The following CSMD3 variants were observed in gnomAD, a reference collection of about 807,000 sequenced individuals.
CSMD3 encodes the protein CUB and Sushi multiple domains 3, also known as CUB and sushi domain-containing protein 3.
A neutral mutation model predicts 435.2 loss-of-function variants in CSMD3; 177 were observed. The observed-to-expected ratio is 0.41, with a 90% confidence interval of 0.36 to 0.46. CSMD3 has a LOEUF of 0.46. Ranked by LOEUF, CSMD3 falls within the 20% of genes least tolerant of loss-of-function variation. The probability of loss-of-function intolerance (pLI) is 0.34; values close to 1 mark genes in which losing one functional copy is unlikely to be tolerated. For missense variants in CSMD3, 4,265 were observed against 4,504.6 expected (o/e 0.95, Z 1.52); for synonymous variants, 1,656 against 1,520.5 (o/e 1.09, Z -2.07).
intron 1 of CSMD3, among the ~76,000 whole-genome samples, chr8:113,415,059 C>T (rs1173661023): frequency 1.3e-5 from 2 of 151,984 alleles, no homozygotes; most frequent in Non-Finnish European, 1.5e-5. Flanking sequence ...TAAGTTAATA[C>T]GACTTTGGAA....
Position 113,049,816 on chromosome 8 carries a change from AT to A in CSMD3, c.918-30638del, listed in dbSNP as rs1200904085. Among the ~76,000 whole-genome samples, 8 of 152,308 alleles carry A rather than the reference AT, an allele frequency of 5.3e-5. No individual in the cohort carries two copies. The South Asian group carries it at 1.2e-3, about 24-fold the overall frequency. ...TCATATAAATATTGATAAAGAGAAT[AT>A]TTTCAGGGATTACATGGGTGTATGC... On this transcript the variant is annotated intron_variant, in intron 5 of 70. Transcript: ENST00000297405.
intron 4 of CSMD3, among the ~76,000 whole-genome samples, chr8:113,115,597 G>A (rs1300869990): frequency 6.6e-6 from 1 of 152,064 alleles, no homozygotes; most frequent in Non-Finnish European, 1.5e-5. Flanking sequence ...TATTCTTTGT[G>A]GCATTCATCC....
chr8:112,373,642 T>C (rs879809594), intron 38 of CSMD3, among the ~76,000 whole-genome samples: 2 of 152,176 alleles, frequency 1.3e-5, no homozygotes, highest in East Asian at 1.9e-4. Flanking sequence ...AATTTCTGTA[T>C]CTAGTTATTA....
At chr8:112,225,173 A>C (rs1342687841) in intron 70 of CSMD3, among the ~76,000 whole-genome samples, 1 of 152,120 alleles carries the variant, frequency 6.6e-6, no homozygotes, top group African/African-American at 2.4e-5. Context: ...AATATAAATA[A>C]ATTATATGAT....
intron 31 of CSMD3, among the ~76,000 whole-genome samples, chr8:112,478,363 G>A (rs932114682): frequency 1.3e-5 from 2 of 152,118 alleles, no homozygotes; most frequent in Non-Finnish European, 2.9e-5. Flanking sequence ...GAGTTTCTTA[G>A]AAACTACATA....
At chr8:113,162,809 T>C (rs2092071116) in intron 4 of CSMD3, among the ~76,000 whole-genome samples, 1 of 152,072 alleles carries the variant, frequency 6.6e-6, no homozygotes. Flanking sequence ...AGAGTGCTTA[T>C]TAAATGCTAG....
intron 3 of CSMD3, among the ~76,000 whole-genome samples, chr8:113,182,899 T>C (rs543803840): frequency 5.3e-5 from 8 of 152,164 alleles, no homozygotes; most frequent in African/African-American, 1.9e-4. Context: ...GTTGTTGTTA[T>C]CGTTTTTCTA....
chr8:113,108,476 G>A (rs2131587602), intron 4 of CSMD3, among the ~76,000 whole-genome samples: 1 of 151,876 alleles, frequency 6.6e-6, no homozygotes, highest in South Asian at 2.1e-4. Context: ...AACATAATTG[G>A]AAAATCTCTA....
intron 13 of CSMD3, among the ~76,000 whole-genome samples, chr8:112,785,134 G>A (rs1007545668): frequency 1.3e-5 from 2 of 151,758 alleles, no homozygotes; most frequent in Admixed American, 6.6e-5. Context: ...ATGTGATATA[G>A]CATATTAATA....
intron 10 of CSMD3, among the ~76,000 whole-genome samples, chr8:112,902,075 C>G (rs1326276139): frequency 6.6e-6 from 1 of 151,182 alleles, no homozygotes; most frequent in African/African-American, 2.4e-5. Flanking sequence ...GTACTATTAC[C>G]TTTTCAACCC....
intron 4 of CSMD3, among the ~76,000 whole-genome samples, chr8:113,168,446 G>A (rs928176440): frequency 4.1e-5 from 6 of 147,376 alleles, no homozygotes; most frequent in Non-Finnish European, 8.9e-5. Flanking sequence ...GCTTGAACCT[G>A]GGAGGCAGAG....
chr8:112,693,533 T>A (rs995088733), intron 13 of CSMD3, among the ~76,000 whole-genome samples: 1 of 152,052 alleles, frequency 6.6e-6, no homozygotes, highest in South Asian at 2.1e-4. Context: ...TCAAATTGAT[T>A]TTAATTCTTT....
chr8:112,409,729 T>C (rs540094353), intron 32 of CSMD3, among the ~76,000 whole-genome samples: 1 of 152,114 alleles, frequency 6.6e-6, no homozygotes, highest in South Asian at 2.1e-4. Flanking sequence ...TATAGATGTG[T>C]CTTTTTCCTC....
At chr8:112,973,114 G>A (rs1054461353) in intron 7 of CSMD3, among the ~76,000 whole-genome samples, 2 of 151,932 alleles carry the variant, frequency 1.3e-5, no homozygotes, top group African/African-American at 2.4e-5. Flanking sequence ...GTCAGATCAT[G>A]CAGTTTCCCG....
intron 3 of CSMD3, among the ~76,000 whole-genome samples, chr8:113,267,108 G>T (rs769143300): frequency 6.6e-6 from 1 of 151,638 alleles, no homozygotes; most frequent in Non-Finnish European, 1.5e-5. Context: ...TATCAGATGT[G>T]CAATGATGTG....
At chr8:113,373,052 A>C (rs7462535) in intron 1 of CSMD3, among the ~76,000 whole-genome samples, 142,179 of 152,218 alleles carry the variant, frequency 0.93, 66,521 homozygotes, top group East Asian at 1. Context: ...ATAAAATAAT[A>C]CTGTTTAAAA....
intron 2 of CSMD3, among the ~76,000 whole-genome samples, chr8:113,280,845 T>C (rs1001527575): frequency 6.6e-6 from 1 of 151,906 alleles, no homozygotes; most frequent in African/African-American, 2.4e-5. Flanking sequence ...GAGGTTTTGA[T>C]ACATCGTACC....
chr8:112,736,790 A>G (rs1351610626), intron 13 of CSMD3, among the ~76,000 whole-genome samples: 2 of 151,998 alleles, frequency 1.3e-5, no homozygotes, highest in East Asian at 3.9e-4. Context: ...TAAATGAATG[A>G]ACGAATGAAT....
intron 42 of CSMD3, among the ~76,000 whole-genome samples, chr8:112,338,135 T>C (rs1163733740): frequency 2.0e-5 from 3 of 152,200 alleles, no homozygotes; most frequent in Non-Finnish European, 2.9e-5. Flanking sequence ...AGCCTAATTC[T>C]GAGCCTTTTT....
Sources: gnomAD v4.1 joint callset for allele counts (sites outside exome capture counted in the v4.1 genomes callset) on GRCh38, gnomAD v4.1.1 for gene constraint, MANE v1.5 for transcripts, NCBI Gene and HGNC (gene_info 2026-07-23, HGNC 2026-07-21) for gene names.